Variants in CDH12 observed in about 807,000 individuals in gnomAD.
The protein encoded by CDH12 is cadherin 12, also known as cadherin-12.
A neutral mutation model predicts 74.1 loss-of-function variants in CDH12; 41 were observed. The ratio of observed to expected loss-of-function variants is 0.55; its 90% CI spans 0.43 to 0.72. CDH12 has a LOEUF of 0.72. Among genes scored for constraint, CDH12 ranks in the 30% least tolerant of loss-of-function variants. The pLI is 0.00. For missense variants in CDH12, 945 were observed against 977.2 expected, an observed-to-expected ratio of 0.97 and a Z score of 0.44; for synonymous variants, 399 against 355.0, an observed-to-expected ratio of 1.12 and a Z score of -1.39.
At chr5:21,759,045 C>A (rs540150993) in intron 13 of CDH12, among the ~76,000 whole-genome samples, 1 of 152,136 alleles carries the variant, frequency 6.6e-6, no homozygotes, top group South Asian at 2.1e-4. Flanking sequence ...GCAATGGGAT[C>A]ATAGAAGCCC....
intron 5 of CDH12, among the ~76,000 whole-genome samples, chr5:22,027,138 C>G (rs921955652): frequency 6.6e-6 from 1 of 152,008 alleles, no homozygotes; most frequent in Non-Finnish European, 1.5e-5. Flanking sequence ...GTATATTGAA[C>G]CAGCCTTGCA....
intron 3 of CDH12, among the ~76,000 whole-genome samples, chr5:22,242,536 G>T (rs1752788027): frequency 6.6e-6 from 1 of 152,048 alleles, no homozygotes; most frequent in Admixed American, 6.5e-5. Flanking sequence ...CTTTTCCATA[G>T]TCTGTACTGG....
At chr5:21,790,937 G>A (rs571674244) in intron 10 of CDH12, among the ~76,000 whole-genome samples, 2 of 152,068 alleles carry the variant, frequency 1.3e-5, no homozygotes, top group African/African-American at 4.8e-5. Flanking sequence ...TCACACAATG[G>A]TGCTTCTGTT....
chr5:21,855,544 T>C (rs1203564772), intron 6 of CDH12, among the ~76,000 whole-genome samples: 1 of 148,046 alleles, frequency 6.8e-6, no homozygotes, highest in Non-Finnish European at 1.5e-5. Flanking sequence ...CTTCCTAATA[T>C]CCTGTTCAAG....
At chr5:22,521,116 C>T (rs1234588826) in intron 1 of CDH12, among the ~76,000 whole-genome samples, 2 of 151,738 alleles carry the variant, frequency 1.3e-5, no homozygotes, top group African/African-American at 4.8e-5. Context: ...ATATAGAGAT[C>T]ATTAAAAGCA....
At chr5:22,418,335 G>A (rs1412025583) in intron 2 of CDH12, among the ~76,000 whole-genome samples, 1 of 152,096 alleles carries the variant, frequency 6.6e-6, no homozygotes, top group African/African-American at 2.4e-5. Context: ...ATCAGCTTAA[G>A]GAGATTTGGG....
chr5:21,937,531 C>A (rs1361086340), intron 6 of CDH12, among the ~76,000 whole-genome samples: 8 of 152,034 alleles, frequency 5.3e-5, no homozygotes, highest in Non-Finnish European at 1.0e-4. Context: ...AGTTTTCAAG[C>A]CAACAAAGCA....
intron 3 of CDH12, among the ~76,000 whole-genome samples, chr5:22,257,162 G>A (rs914882246): frequency 2.6e-5 from 4 of 151,980 alleles, no homozygotes; most frequent in Non-Finnish European, 5.9e-5. Context: ...ATCCACACTG[G>A]GGCCTTTCAG....
chr5:22,584,397 G>A (rs1052487381), intron 1 of CDH12, among the ~76,000 whole-genome samples: 16 of 152,148 alleles, frequency 1.1e-4, no homozygotes, highest in African/African-American at 3.9e-4. Context: ...ACTGCTCCTG[G>A]AAGGAATTTA....
intron 4 of CDH12, among the ~76,000 whole-genome samples, chr5:22,184,641 T>C (rs1166518105): frequency 3.9e-5 from 6 of 152,002 alleles, no homozygotes; most frequent in Non-Finnish European, 2.9e-5. Context: ...CAGAGAAAAA[T>C]AAATCCTCCT....
At chr5:21,996,043 TAAG>T (rs1736272863) in intron 5 of CDH12, among the ~76,000 whole-genome samples, 1 of 149,206 alleles carries the variant, frequency 6.7e-6, no homozygotes, top group Admixed American at 6.8e-5. Flanking sequence ...GACCTTCTCA[TAAG>T]AAGGAGAATA....
At chr5:22,020,139 C>A (rs1391428195) in intron 5 of CDH12, among the ~76,000 whole-genome samples, 2 of 152,174 alleles carry the variant, frequency 1.3e-5, no homozygotes, top group East Asian at 3.9e-4. Flanking sequence ...ATTATCATAA[C>A]ACTATGGAAT....
At chr5:22,397,386 T>C (rs942324207) in intron 3 of CDH12, among the ~76,000 whole-genome samples, 1 of 151,936 alleles carries the variant, frequency 6.6e-6, no homozygotes, top group South Asian at 2.1e-4. Context: ...GAATTGTGTA[T>C]CTTATTTTCA....
rs1040643017 is a variant in CDH12, at chr5:22,649,355, G to A, written c.-522-143991C>T. 3.3e-5 allele frequency among the ~76,000 whole-genome samples: 5 copies of A among 152,106 alleles called. No individual in the cohort carries two copies. The East Asian group carries it at 5.8e-4, about 18-fold the overall frequency. Reference sequence around the variant, plus strand: ...CTTGCCCAAGGCTAGGCAGAACTCTGACTCAGATGAATGCTTTCCTTTCCA... The same window carrying A: ...CTTGCCCAAGGCTAGGCAGAACTCTAACTCAGATGAATGCTTTCCTTTCCA... On this transcript the variant is annotated intron_variant, in intron 1 of 14. Coordinates refer to ENST00000382254, the MANE Select transcript of CDH12 (RefSeq NM_004061.5).
chr5:22,252,018 A>AT (rs1387503999), intron 3 of CDH12, among the ~76,000 whole-genome samples: 2 of 152,006 alleles, frequency 1.3e-5, no homozygotes, highest in Non-Finnish European at 2.9e-5. Flanking sequence ...TACTGTTCAT[A>AT]TTTTTTCTTC....
chr5:22,237,120 G>C (rs1279087960), intron 3 of CDH12, among the ~76,000 whole-genome samples: 1 of 151,980 alleles, frequency 6.6e-6, no homozygotes, highest in Non-Finnish European at 1.5e-5. Flanking sequence ...TGGCATCACA[G>C]TTAGTTTGTT....
chr5:22,175,781 C>T (rs1385667504), intron 4 of CDH12, among the ~76,000 whole-genome samples: 5 of 152,060 alleles, frequency 3.3e-5, no homozygotes, highest in Non-Finnish European at 4.4e-5. Flanking sequence ...GATGGCTCAT[C>T]TCCTCCACCC....
At chr5:21,924,589 C>G (rs189217336) in intron 6 of CDH12, among the ~76,000 whole-genome samples, 324 of 152,246 alleles carry the variant, frequency 2.1e-3, no homozygotes, top group South Asian at 3.7e-3. Context: ...TATCTTCAGT[C>G]CTGTCTAAGT....
At chr5:21,802,572 C>T in intron 9 of CDH12, 152 bp from the exon 10 acceptor site, 2 of 512,408 alleles carry the variant, frequency 3.9e-6, no homozygotes, top group Non-Finnish European at 3.5e-6. Context: ...AAGGGCAGCA[C>T]AAGGCAAACC....
Sources: allele counts gnomAD v4.1 joint callset (sites outside exome capture counted in the v4.1 genomes callset), GRCh38; gene constraint gnomAD v4.1.1; transcripts MANE v1.5; gene names NCBI Gene and HGNC (gene_info 2026-07-23, HGNC 2026-07-21).